Variants in CNTNAP2 observed in about 807,000 individuals in gnomAD.
The protein encoded by CNTNAP2 is contactin-associated protein-like 2.
In CNTNAP2, 98 loss-of-function variants were observed where a neutral mutation model predicts 155.2. The ratio of observed to expected loss-of-function variants is 0.63; its 90% CI spans 0.54 to 0.75. CNTNAP2 has a LOEUF of 0.75. Among genes scored for constraint, CNTNAP2 ranks in the 30% least tolerant of loss-of-function variants. The pLI is 0.00. For synonymous variants in CNTNAP2, 651 were observed against 631.2 expected (o/e 1.03, Z -0.47); for missense variants, 1,727 against 1,688.1 (o/e 1.02, Z -0.40).
At chr7:148,346,808 A>C (rs1205276048) in intron 21 of CNTNAP2, among the ~76,000 whole-genome samples, 1 of 151,454 alleles carries the variant, frequency 6.6e-6, no homozygotes, top group Non-Finnish European at 1.5e-5. Flanking sequence ...ATTAATGGTT[A>C]AAACCACAAT....
chr7:146,283,563 G>A (rs1290617726), intron 1 of CNTNAP2, among the ~76,000 whole-genome samples: 3 of 151,940 alleles, frequency 2.0e-5, no homozygotes, highest in African/African-American at 7.3e-5. Context: ...AAATTAAGAT[G>A]TATTTATTTG....
chr7:147,894,743 G>A (rs1799748756), intron 13 of CNTNAP2, among the ~76,000 whole-genome samples: 1 of 151,810 alleles, frequency 6.6e-6, no homozygotes, highest in Non-Finnish European at 1.5e-5. Context: ...TTATCTCAGA[G>A]GGCGCCAGGA....
chr7:147,710,568 G>A lies in CNTNAP2; in HGVS notation c.2098+71262G>A, dbSNP rs138486769. 6.6e-3 allele frequency among the ~76,000 whole-genome samples: 1,004 copies of A among 152,082 alleles called. 12 individuals carry two copies. Among genetic ancestry groups the A allele is most frequent in the African/African-American group, 0.023 (954 of 41,484 alleles). On this transcript the variant is annotated intron_variant, in intron 13 of 23. Coordinates refer to ENST00000361727, the MANE Select transcript of CNTNAP2 (RefSeq NM_014141.6). ...CCTAATTTGACTCTTTTTCCCTAAT[G>A]CATTTATTTCCATTGGATCTCTTTT...
chr7:146,413,440 A>C (rs555092256), intron 1 of CNTNAP2, among the ~76,000 whole-genome samples: 1 of 152,194 alleles, frequency 6.6e-6, no homozygotes, highest in Non-Finnish European at 1.5e-5. Context: ...GTAAGGAAAC[A>C]CTATACATAG....
intron 13 of CNTNAP2, among the ~76,000 whole-genome samples, chr7:147,834,237 G>A (rs1286213643): frequency 1.3e-5 from 2 of 152,148 alleles, no homozygotes; most frequent in African/African-American, 4.8e-5. Flanking sequence ...ATGTTATATT[G>A]TTTGGGAACC....
chr7:146,649,900 A>G (rs1242893826), intron 1 of CNTNAP2, among the ~76,000 whole-genome samples: 2 of 152,160 alleles, frequency 1.3e-5, no homozygotes, highest in Non-Finnish European at 2.9e-5. Context: ...CGGCCAATAA[A>G]CATATGAAAA....
chr7:147,960,419 A>T (rs1801096373), intron 14 of CNTNAP2, among the ~76,000 whole-genome samples: 1 of 152,126 alleles, frequency 6.6e-6, no homozygotes. Context: ...GGTGGTACTG[A>T]CTCCAGCAGT....
chr7:146,960,827 A>G (rs1315889830), intron 3 of CNTNAP2, among the ~76,000 whole-genome samples: 1 of 152,108 alleles, frequency 6.6e-6, no homozygotes, highest in Non-Finnish European at 1.5e-5. Flanking sequence ...TAGCCCAGTT[A>G]TAAACATACT....
intron 8 of CNTNAP2, among the ~76,000 whole-genome samples, chr7:147,250,543 C>G (rs968591213): frequency 4.6e-5 from 7 of 151,228 alleles, no homozygotes; most frequent in Non-Finnish European, 7.4e-5. Flanking sequence ...GCACCCCCCA[C>G]CCCCCCATCT....
intron 13 of CNTNAP2, among the ~76,000 whole-genome samples, chr7:147,797,411 A>C (rs988522701): frequency 6.6e-6 from 1 of 152,132 alleles, no homozygotes; most frequent in Admixed American, 6.5e-5. Context: ...TGAAAAAAAA[A>C]GGTATCTAAA....
At chr7:147,613,317 A>AT (rs147605606) in intron 12 of CNTNAP2, among the ~76,000 whole-genome samples, 4,800 of 151,994 alleles carry the variant, frequency 0.032, 115 homozygotes, top group African/African-American at 0.049. Flanking sequence ...TTTCTTGCCT[A>AT]TTTTTCTTTT....
At chr7:146,830,939 C>T (rs937717086) in intron 2 of CNTNAP2, among the ~76,000 whole-genome samples, 1 of 152,152 alleles carries the variant, frequency 6.6e-6, no homozygotes, top group Non-Finnish European at 1.5e-5. Context: ...GATAACTAGC[C>T]ATTTTTTAAT....
At chr7:146,199,816 A>T (rs951488912) in intron 1 of CNTNAP2, among the ~76,000 whole-genome samples, 1 of 152,208 alleles carries the variant, frequency 6.6e-6, no homozygotes, top group Admixed American at 6.5e-5. Context: ...TAAAAATTAC[A>T]CACAACTTCT....
rs539943402 is a variant in CNTNAP2 at position 146,423,129 on chromosome 7, CT to C, written c.97+306161del. ...TATTTTACATTCCTTTCTTTCCAGT[CT>C]TTTTACCTCTTGTGCAACTTTTCTT... On this transcript the variant is annotated intron_variant, in intron 1 of 23. Transcript: ENST00000361727. Among the ~76,000 whole-genome samples, 736 of 152,150 alleles carry C rather than the reference CT, an allele frequency of 4.8e-3. 6 individuals carry two copies. Among genetic ancestry groups the C allele is most frequent in the Non-Finnish European group, 8.9e-3 (603 of 67,992 alleles).
intron 23 of CNTNAP2, among the ~76,000 whole-genome samples, chr7:148,411,599 C>T (rs984605127): frequency 2.6e-5 from 4 of 151,912 alleles, no homozygotes; most frequent in Admixed American, 1.3e-4. Context: ...TTGGTTTGTC[C>T]TATCTAAAAA....
At chr7:146,341,704 G>C (rs1794731920) in intron 1 of CNTNAP2, among the ~76,000 whole-genome samples, 1 of 151,994 alleles carries the variant, frequency 6.6e-6, no homozygotes, top group South Asian at 2.1e-4. Flanking sequence ...TTTAATTCTA[G>C]TGTTAATTTC....
At position 146,523,180 on chromosome 7, in the gene CNTNAP2, G is replaced by A. The variant is rs376169938; in HGVS notation, c.98-251091G>A. 7.2e-5 allele frequency among the ~76,000 whole-genome samples: 11 copies of A among 151,896 alleles called. No individual in the cohort carries two copies. In the East Asian group the frequency reaches 1.6e-3, roughly 21 times the overall value. Reference sequence around the variant, plus strand: ...TTCCCCCAAGTCCCCAAAGTCCATTGGTTCATTCTTATGCTTTTTTGTCCT... The same window carrying A: ...TTCCCCCAAGTCCCCAAAGTCCATTAGTTCATTCTTATGCTTTTTTGTCCT... On this transcript the variant is annotated intron_variant, in intron 1 of 23. Transcript: ENST00000361727.
chr7:147,312,809 T>C (rs1795150711), intron 9 of CNTNAP2, among the ~76,000 whole-genome samples: 1 of 123,426 alleles, frequency 8.1e-6, no homozygotes, highest in Non-Finnish European at 1.6e-5. Flanking sequence ...ATTGTATTTC[T>C]AGTTCTAGAT....
rs145455943 is a variant in CNTNAP2, at chr7:146,971,343, C to G, written c.403-72564C>G. 5.7e-3 allele frequency among the ~76,000 whole-genome samples: 866 copies of G among 152,084 alleles called. 2 individuals are homozygous for G. The highest frequency in any genetic ancestry group is 8.5e-3 in the Non-Finnish European group (580 of 67,990). On this transcript the variant is annotated intron_variant, in intron 3 of 23. Transcript: ENST00000361727. Reference sequence around the variant, plus strand: ...GCATTTATTAAACATCTATTGTGTACTAAAAATTGGAAAGGCTTTCTTTTG... The same window carrying G: ...GCATTTATTAAACATCTATTGTGTAGTAAAAATTGGAAAGGCTTTCTTTTG...
Sources: gnomAD v4.1 joint callset for allele counts (sites outside exome capture counted in the v4.1 genomes callset) on GRCh38, gnomAD v4.1.1 for gene constraint, MANE v1.5 for transcripts, NCBI Gene and HGNC (gene_info 2026-07-23, HGNC 2026-07-21) for gene names.